The following DDX51 variants were observed in gnomAD, a reference collection of about 807,000 sequenced individuals.
The protein encoded by DDX51 is DEAD-box helicase 51.
Under a neutral mutation model 74.6 loss-of-function variants are expected in DDX51, and 67 were observed. That is an observed-to-expected ratio of 0.90 (90% CI 0.74 to 1.10). The LOEUF is 1.10. Among genes scored for constraint, DDX51 ranks in the 50% least tolerant of loss-of-function variants. The pLI is 0.00. For synonymous variants in DDX51, 545 were observed against 402.9 expected (o/e 1.35, Z -4.22); for missense variants, 1,056 against 905.2 (o/e 1.17, Z -2.14).
chr12:132,142,642 G>A, intron 3 of DDX51, 86 bp downstream of exon 3: 1 of 1,557,654 alleles, frequency 6.4e-7, no homozygotes, highest in Non-Finnish European at 8.7e-7. Context: ...GATGTGGCAG[G>A]GACGCCTGAC....
chr12:132,140,074 A>G, intron 12 of DDX51, 24 bp downstream of exon 12: 1 of 1,609,630 alleles, frequency 6.2e-7, no homozygotes. Context: ...CAGACCCCCC[A>G]GTGGCCGCTG....
At position 132,137,657 on chromosome 12, in the gene DDX51, G is replaced by A. The variant is rs61942916; in HGVS notation, c.*1615C>T. On this transcript the variant is annotated 3_prime_UTR_variant, in exon 15 of 15. Transcript: ENST00000397333. ...TCCATCCTCACAACTCCAGTGAGCC[G>A]GGTGTGGCCGTGGCCTGCGTCTCCC... 0.038 allele frequency: 5,778 copies of A among 152,254 alleles called. 113 individuals are homozygous for A. The highest frequency in any genetic ancestry group is 0.055 in the South Asian group (264 of 4,822). The allele number at this position is 152,254 out of a possible 1,614,324, so 9.4% of individuals were successfully genotyped here. A position where few individuals can be genotyped will look rare whatever the true frequency, so the allele number is the denominator to read the frequency against.
At position 132,144,123 on chromosome 12, in the gene DDX51, T is replaced by G; in HGVS notation, c.174A>C (p.Ala58=). 8.3e-7 allele frequency: 1 copy of G among 1,207,928 alleles called. No homozygotes were observed. Among genetic ancestry groups the G allele is most frequent in the East Asian group, 3.6e-5 (1 of 27,978 alleles). 74.8% of individuals were successfully genotyped at this position (1,207,928 alleles called of 1,614,324 possible). ...QREPAQTEAA[A]STEPATRRRR... is the part of the protein sequence containing the mutation. ...GCCTCCTGGTCGCCGGCTCGGTCGA[T>G]GCAGCCGCCTCGGTCTGCGCGGGCT... The change falls in exon 1 of 15, where the codon GCA becomes GCC. Residue 58 remains alanine (A), a synonymous_variant. Transcript: ENST00000397333.
intron 2 of DDX51, 113 bp from the exon 3 acceptor site, chr12:132,142,991 C>T: frequency 7.0e-7 from 1 of 1,426,030 alleles, no homozygotes; most frequent in Non-Finnish European, 9.7e-7. Context: ...TCGTCTTCAG[C>T]TCCTTCTCAG....
In DDX51 at chr12:132,137,736, G is replaced by A. The variant is rs930476744; in HGVS notation, c.*1536C>T. On this transcript the variant is annotated 3_prime_UTR_variant, in exon 15 of 15. Coordinates refer to ENST00000397333, the MANE Select transcript of DDX51 (RefSeq NM_175066.4). Reference sequence around the variant, plus strand: ...CCTTTTTCAAACAAAGCACTGGACTGAGAGAATTCACACACTGTATCCACC... The same window carrying A: ...CCTTTTTCAAACAAAGCACTGGACTAAGAGAATTCACACACTGTATCCACC... The A allele has an allele frequency of 6.6e-6, 1 of 152,206 alleles. No individual in the cohort carries two copies. Among genetic ancestry groups the A allele is most frequent in the African/African-American group, 2.4e-5 (1 of 41,448 alleles). 9.4% of individuals were successfully genotyped at this position (152,206 alleles called of 1,614,324 possible).
At chr12:132,142,055 G>C in intron 5 of DDX51, 64 bp downstream of exon 5, 1 of 1,590,922 alleles carries the variant, frequency 6.3e-7, no homozygotes, top group Non-Finnish European at 8.6e-7. Context: ...GGGGCTGATC[G>C]CTGTGCACTC....
rs186160435 is a variant in DDX51 at position 132,140,205 on chromosome 12, G to A, written c.1674-6C>T. The stretch of plus-strand genomic sequence containing the variant: ...TGGCGTCCGTGCTGATGAGCCTGCC[G>A]GGACACGCAGCATTGTGGGCCCGAC... On this transcript the variant is annotated splice_region_variant and splice_polypyrimidine_tract_variant and intron_variant, in intron 11 of 14. Transcript: ENST00000397333. 1,849 of 1,610,916 alleles carry A rather than the reference G, an allele frequency of 1.1e-3. 23 individuals carry two copies. In the African/African-American group the frequency reaches 0.022, roughly 19 times the overall value.
intron 11 of DDX51, 57 bp downstream of exon 11, chr12:132,140,366 G>A: frequency 6.3e-7 from 1 of 1,594,452 alleles, no homozygotes; most frequent in South Asian, 1.1e-5. Context: ...GCCCCAGGCT[G>A]ACCCTGGAGT....
chr12:132,143,270 TACCTA>T, intron 2 of DDX51: 2 of 400,712 alleles, frequency 5.0e-6, no homozygotes, highest in Non-Finnish European at 4.6e-6. Flanking sequence ...CCACCTGCCC[TACCTA>T]AGGTGCCCGA....
rs545624402 is a variant in DDX51 at position 132,139,451 on chromosome 12, G to A, written c.1975-153C>T. 45 of 1,510,520 alleles carry A rather than the reference G, an allele frequency of 3.0e-5. No individual in the cohort carries two copies. The East Asian group carries it at 5.3e-4, about 18-fold the overall frequency. 93.6% of individuals were successfully genotyped at this position (1,510,520 alleles called of 1,614,324 possible). A position where few individuals can be genotyped will look rare whatever the true frequency, so the allele number is the denominator to read the frequency against. ...CGCTGACAGCCCTCCCTGGTGCCAC[G>A]TGTTTCCACCACTGGTGCCCAGGGG... On this transcript the variant is annotated intron_variant, in intron 14 of 14. Coordinates refer to ENST00000397333, the MANE Select transcript of DDX51 (RefSeq NM_175066.4).
In DDX51 at chr12:132,139,173, G is replaced by T; in HGVS notation, c.*99C>A. The T allele has an allele frequency of 6.7e-7, 1 of 1,501,610 alleles. No individual in the cohort carries two copies. Among genetic ancestry groups the T allele is most frequent in the Non-Finnish European group, 9.0e-7 (1 of 1,112,368 alleles). 93.0% of individuals were successfully genotyped at this position (1,501,610 alleles called of 1,614,324 possible). A position where few individuals can be genotyped will look rare whatever the true frequency, so the allele number is the denominator to read the frequency against. On this transcript the variant is annotated 3_prime_UTR_variant, in exon 15 of 15. Coordinates refer to ENST00000397333, the MANE Select transcript of DDX51 (RefSeq NM_175066.4). Reference sequence around the variant, plus strand: ...GGGAGGAAGGCTGTGTCCACTGGGGGATTCCTTTCCTCACATACAGGATCC... The same window carrying T: ...GGGAGGAAGGCTGTGTCCACTGGGGTATTCCTTTCCTCACATACAGGATCC...
Position 132,139,141 on chromosome 12 carries a change from G to A in DDX51, c.*131C>T, listed in dbSNP as rs947056927. 1.6e-5 allele frequency: 22 copies of A among 1,393,354 alleles called. No individual in the cohort carries two copies. The highest frequency in any genetic ancestry group is 2.1e-5 in the Admixed American group (1 of 47,926). The allele number at this position is 1,393,354 out of a possible 1,614,324, so 86.3% of individuals were successfully genotyped here. On this transcript the variant is annotated 3_prime_UTR_variant, in exon 15 of 15. Coordinates refer to ENST00000397333, the MANE Select transcript of DDX51 (RefSeq NM_175066.4). ...CCGGGCTGCCTGGCGCAGAGACCAC[G>A]TGCTTGGGGAGGAAGGCTGTGTCCA...
Position 132,140,678 on chromosome 12 carries a change from G to T in DDX51, c.1498C>A (p.Leu500Met). The change falls in exon 10 of 15, where the codon CTG (leucine) becomes ATG (methionine). Residue 500 changes from leucine to methionine, a missense_variant. Coordinates refer to ENST00000397333, the MANE Select transcript of DDX51 (RefSeq NM_175066.4). ...SKPLVVLHLV[L>M]EMGFSRVLCF... is the part of the protein sequence containing the mutation. ...AGAACCCTCGAGAAGCCCATCTCCA[G>T]GACCAGGTGCAGGACGACCAGCGGC... 2.5e-6 allele frequency: 4 copies of T among 1,613,112 alleles called. No homozygotes were observed. The highest frequency in any genetic ancestry group is 3.4e-6 in the Non-Finnish European group (4 of 1,180,032).
At chr12:132,141,226 A>C (rs1277432444) in intron 8 of DDX51, 49 bp downstream of exon 8, 1 of 1,546,392 alleles carries the variant, frequency 6.5e-7, no homozygotes, top group East Asian at 2.3e-5. Context: ...AGCTGTGTGC[A>C]GAGGACTCTG....
chr12:132,139,321 C>G lies in DDX51; in HGVS notation c.1975-23G>C, dbSNP rs755598054. Reference sequence around the variant, plus strand: ...TTCCTGTGGAGGAAAGGGGAGGGCTCAGCACCACACACTCTGTCCCCTCAT... The same window carrying G: ...TTCCTGTGGAGGAAAGGGGAGGGCTGAGCACCACACACTCTGTCCCCTCAT... On this transcript the variant is annotated intron_variant, in intron 14 of 14. Transcript: ENST00000397333. 1.9e-6 allele frequency: 3 copies of G among 1,605,312 alleles called. No individual in the cohort carries two copies. In the Admixed American group the frequency reaches 5.1e-5, roughly 27 times the overall value.
At chr12:132,143,626 C>G in intron 2 of DDX51, 69 bp downstream of exon 2, 1 of 1,516,570 alleles carries the variant, frequency 6.6e-7, no homozygotes, top group African/African-American at 1.4e-5. Context: ...TCCGGGGCGA[C>G]CGCCGCACTT....
Position 132,144,142 on chromosome 12 carries a change from G to T in DDX51, c.155C>A (p.Ala52Glu). 8.4e-7 allele frequency: 1 copy of T among 1,185,844 alleles called. No homozygotes were observed. Among genetic ancestry groups the T allele is most frequent in the Non-Finnish European group, 1.0e-6 (1 of 959,234 alleles). The allele number at this position is 1,185,844 out of a possible 1,614,324, so 73.5% of individuals were successfully genotyped here. A position where few individuals can be genotyped will look rare whatever the true frequency, so the allele number is the denominator to read the frequency against. ...GGTCGATGCAGCCGCCTCGGTCTGC[G>T]CGGGCTCCCGCTGCTGCTGCCGTTC... ...ARERQQQREP[A>E]QTEAAASTEP... Residue 52 changes from alanine (A) to glutamate (E), a missense_variant, in exon 1 of 15, where the codon GCG (alanine) becomes GAG (glutamate). Physicochemically the swap from Ala to Glu is moderately radical, Grantham distance 107. Transcript: ENST00000397333.
At position 132,143,759 on chromosome 12, in the gene DDX51, T is replaced by G. The variant is rs1302183840; in HGVS notation, c.455A>C (p.Glu152Ala). 1.3e-6 allele frequency: 2 copies of G among 1,524,358 alleles called. No homozygotes were observed. The highest frequency in any genetic ancestry group is 1.2e-5 in the South Asian group (1 of 82,706). The allele number at this position is 1,524,358 out of a possible 1,614,324, so 94.4% of individuals were successfully genotyped here. ...EAAPDGPALEEAAGPLVPGLV... is the reference protein window; with the variant it reads ...EAAPDGPALEAAAGPLVPGLV... ...GCCGGGGACCAGGGGTCCGGCCGCC[T>G]CCTCCAGGGCCGGTCCATCTGGGGC... The change falls in exon 2 of 15, where the codon GAG becomes GCG. Residue 152 changes from glutamate to alanine, a missense_variant. Glu to Ala is a moderately radical substitution (Grantham distance 107). Coordinates refer to ENST00000397333, the MANE Select transcript of DDX51 (RefSeq NM_175066.4).
In DDX51 at chr12:132,143,860, C is replaced by T; in HGVS notation, c.354G>A (p.Glu118=). 6.5e-7 allele frequency: 1 copy of T among 1,529,732 alleles called. No individual in the cohort carries two copies. The highest frequency in any genetic ancestry group is 1.9e-5 in the Admixed American group (1 of 51,800). The allele number at this position is 1,529,732 out of a possible 1,614,324, so 94.8% of individuals were successfully genotyped here. A position where few individuals can be genotyped will look rare whatever the true frequency, so the allele number is the denominator to read the frequency against. ...TCCCTGCGCTGGGCTCCCCTGGCGCCTCCTCGCTGCTCCCTGCGCTGGGCT... is the reference window on the plus strand; with the variant it reads ...TCCCTGCGCTGGGCTCCCCTGGCGCTTCCTCGCTGCTCCCTGCGCTGGGCT... The part of the protein sequence containing the change: ...PGEPSAGSSE[E]APGEPSAGSS... The change falls in exon 2 of 15, where the codon GAG becomes GAA. Residue 118 remains glutamate (E), a synonymous_variant. Transcript: ENST00000397333.
Sources: gnomAD v4.1 joint callset for allele counts on GRCh38, gnomAD v4.1.1 for gene constraint, MANE v1.5 for transcripts, NCBI Gene and HGNC (gene_info 2026-07-23, HGNC 2026-07-21) for gene names.